The following SPNS3 variants were observed in gnomAD, a reference collection of about 807,000 sequenced individuals.
The protein encoded by SPNS3 is SPNS lysolipid transporter 3, sphingosine-1-phosphate (putative).
In SPNS3, 51 loss-of-function variants were observed where a neutral mutation model predicts 54.4. That is an observed-to-expected ratio of 0.94 (90% CI 0.75 to 1.18). SPNS3 has a LOEUF of 1.18. Ranked by LOEUF, SPNS3 falls within the 50% of genes most tolerant of loss-of-function variation. SPNS3 has a pLI of 0.00. For missense variants in SPNS3, 669 were observed against 677.4 expected (o/e 0.99, Z 0.14); for synonymous variants, 309 against 294.7 (o/e 1.05, Z -0.50).
At chr17:4,439,249 G>A (rs1349190027) in intron 1 of SPNS3, among the ~76,000 whole-genome samples, 2 of 151,724 alleles carry the variant, frequency 1.3e-5, no homozygotes, top group Non-Finnish European at 2.9e-5. Context: ...TCAGCCTCCC[G>A]AGTAGCTGGG....
rs1276010409 is a variant in SPNS3, at chr17:4,444,443, A to G, written c.266-589A>G. ...TCACTATGTTGCCCAGGCTGGTCTTAAACTCCTGAGCTCAGGCAATCTGCC... is the reference window on the plus strand; with the variant it reads ...TCACTATGTTGCCCAGGCTGGTCTTGAACTCCTGAGCTCAGGCAATCTGCC... On this transcript the variant is annotated intron_variant, in intron 2 of 11. Transcript: ENST00000355530. Among the ~76,000 whole-genome samples, 3 of 151,582 alleles carry G rather than the reference A, an allele frequency of 2.0e-5. No homozygotes were observed. The East Asian group carries it at 5.9e-4, about 30-fold the overall frequency.
rs191971693 is a variant in SPNS3, at chr17:4,483,957, C to T, written c.1180-2271C>T. 4.7e-4 allele frequency among the ~76,000 whole-genome samples: 72 copies of T among 152,344 alleles called. No homozygotes were observed. The highest frequency in any genetic ancestry group is 7.9e-4 in the Non-Finnish European group (54 of 68,042). On this transcript the variant is annotated intron_variant, in intron 9 of 11. Coordinates refer to ENST00000355530, the MANE Select transcript of SPNS3 (RefSeq NM_182538.5). The surrounding 1 kb of genome is among the most constrained non-coding windows in gnomAD (Gnocchi z 4.2). Reference sequence around the variant, plus strand: ...GTCCCCTGCCTGGAATGCCTTTCCCCGTCTCTTTGCCAGTTACTCTGCCAT... The same window carrying T: ...GTCCCCTGCCTGGAATGCCTTTCCCTGTCTCTTTGCCAGTTACTCTGCCAT...
chr17:4,442,628 G>A (rs1034637576), intron 2 of SPNS3, among the ~76,000 whole-genome samples: 2 of 152,124 alleles, frequency 1.3e-5, no homozygotes, highest in African/African-American at 4.8e-5. Context: ...CTGCTGGAGT[G>A]AGTTCATTAA....
chr17:4,458,499 TCTTTCTTC>T, intron 8 of SPNS3, among the ~76,000 whole-genome samples: 1 of 63,160 alleles, frequency 1.6e-5, no homozygotes, highest in Non-Finnish European at 5.2e-5. Context: ...TTTCTTTCTT[TCTTTCTTC>T]CCTTCCTCCC....
chr17:4,467,898 T>C (rs1971726897), intron 8 of SPNS3, among the ~76,000 whole-genome samples: 1 of 152,234 alleles, frequency 6.6e-6, no homozygotes. Flanking sequence ...CTCGAATTCC[T>C]GACCTCAAGT....
At chr17:4,462,114 C>G (rs953582450) in intron 8 of SPNS3, among the ~76,000 whole-genome samples, 1 of 272 alleles carries the variant, frequency 3.7e-3, no homozygotes, top group African/African-American at 0.023. Flanking sequence ...TCCATCCATC[C>G]ATCCATCCAT....
At chr17:4,485,841 AC>A (rs1972298079) in intron 9 of SPNS3, among the ~76,000 whole-genome samples, 2 of 152,214 alleles carry the variant, frequency 1.3e-5, no homozygotes, top group Admixed American at 1.3e-4. Context: ...AATTGCCTGC[AC>A]ATGCAGACAC....
chr17:4,448,604 T>C (rs1325479677), intron 6 of SPNS3, among the ~76,000 whole-genome samples: 1 of 152,214 alleles, frequency 6.6e-6, no homozygotes, highest in Non-Finnish European at 1.5e-5. Flanking sequence ...CAACGTCCTT[T>C]GTATTCAATG....
intron 8 of SPNS3, among the ~76,000 whole-genome samples, chr17:4,476,480 G>T (rs1972003677): frequency 6.6e-6 from 1 of 152,198 alleles, no homozygotes; most frequent in African/African-American, 2.4e-5. Context: ...GGGCTGCACA[G>T]AGGTCACAGA....
At chr17:4,448,980 G>A (rs1317803363) in intron 6 of SPNS3, among the ~76,000 whole-genome samples, 1 of 152,164 alleles carries the variant, frequency 6.6e-6, no homozygotes, top group African/African-American at 2.4e-5. Context: ...TCTCAGAAAT[G>A]TTGGGGAGGC....
Position 4,448,283 on chromosome 17 carries a change from C to T in SPNS3, c.750C>T (p.Asp250=), listed in dbSNP as rs376371811. Residue 250 remains aspartate (D), a synonymous_variant, in exon 6 of 12, where the codon GAC becomes GAT. Transcript: ENST00000355530. The stretch of plus-strand genomic sequence containing the variant: ...GCTTCAGGAGCAGCTGGTGTGAGGA[C>T]GTCAGATACCTGGGGAAAAAGTGAG... The part of the protein sequence containing the change: ...VGGFRSSWCE[D]VRYLGKNWSF... The T allele has an allele frequency of 2.0e-4, 307 of 1,571,280 alleles. 1 individual carries two copies. In the East Asian group the frequency reaches 3.1e-3, roughly 16 times the overall value.
intron 9 of SPNS3, among the ~76,000 whole-genome samples, chr17:4,479,598 C>A (rs1430854563): frequency 6.6e-6 from 1 of 152,250 alleles, no homozygotes; most frequent in Non-Finnish European, 1.5e-5. Flanking sequence ...CCTGTGAGCA[C>A]CCTGAGAGCC....
intron 1 of SPNS3, 82 bp downstream of exon 1, chr17:4,434,248 G>T: frequency 7.4e-7 from 1 of 1,346,608 alleles, no homozygotes; most frequent in East Asian, 2.4e-5. Flanking sequence ...TGGCCTTCCA[G>T]CCATCACCCA....
At position 4,486,330 on chromosome 17, in the gene SPNS3, A is replaced by C. The variant is rs375752734; in HGVS notation, c.1278+4A>C. 13 of 1,598,040 alleles carry C rather than the reference A, an allele frequency of 8.1e-6. No homozygotes were observed. Among genetic ancestry groups the C allele is most frequent in the Non-Finnish European group, 1.1e-5 (13 of 1,172,476 alleles). The stretch of plus-strand genomic sequence containing the variant: ...CAGCCCCTATCTCACAGGACTTGTA[A>C]GACGTGTCTGCGTGTGTGGGGTGGG... On this transcript the variant is annotated splice_donor_region_variant and intron_variant, in intron 10 of 11. Coordinates refer to ENST00000355530, the MANE Select transcript of SPNS3 (RefSeq NM_182538.5). This position sits in a 1 kb window ranked among gnomAD's most constrained non-coding sequence, Gnocchi z 5.5.
intron 8 of SPNS3, among the ~76,000 whole-genome samples, chr17:4,475,219 G>T (rs957061864): frequency 6.6e-6 from 1 of 152,334 alleles, no homozygotes; most frequent in East Asian, 1.9e-4. Flanking sequence ...TCCAGGCAGT[G>T]TTCCCAGGCC....
intron 1 of SPNS3, among the ~76,000 whole-genome samples, chr17:4,436,147 G>A (rs1365449527): frequency 2.6e-5 from 4 of 152,184 alleles, no homozygotes; most frequent in Admixed American, 6.5e-5. Flanking sequence ...GCAGTCCTGC[G>A]AGGCGGAGAG....
intron 2 of SPNS3, among the ~76,000 whole-genome samples, chr17:4,444,716 G>C (rs1007166789): frequency 2.0e-5 from 3 of 152,068 alleles, no homozygotes; most frequent in African/African-American, 4.8e-5. Context: ...CTGACGCTCC[G>C]CATTCAGTTC....
intron 8 of SPNS3, among the ~76,000 whole-genome samples, chr17:4,472,774 C>CATTTTTTTT (rs1567572187): frequency 2.4e-4 from 12 of 50,942 alleles, no homozygotes; most frequent in African/African-American, 9.8e-4. Flanking sequence ...GCTTGGCAGC[C>CATTTTTTTT]TTTTTTTTTT....
intron 8 of SPNS3, among the ~76,000 whole-genome samples, chr17:4,474,497 C>G (rs2144184388): frequency 6.6e-6 from 1 of 151,570 alleles, no homozygotes; most frequent in Non-Finnish European, 1.5e-5. Flanking sequence ...CCATTCTTTG[C>G]AGTTCAGAGT....
Sources: gnomAD v4.1 joint callset for allele counts (sites outside exome capture counted in the v4.1 genomes callset) on GRCh38, gnomAD v4.1.1 for gene constraint, Gnocchi (gnomAD v3.1) non-coding constraint, MANE v1.5 for transcripts, NCBI Gene and HGNC (gene_info 2026-07-23, HGNC 2026-07-21) for gene names.